Variants in AGBL1 observed in about 807,000 individuals in gnomAD.
AGBL1 encodes the protein cytosolic carboxypeptidase 4.
A neutral mutation model predicts 118.9 loss-of-function variants in AGBL1; 130 were observed. That is an observed-to-expected ratio of 1.09 (90% CI 0.95 to 1.26). AGBL1 has a LOEUF of 1.26. Ranked by LOEUF, AGBL1 falls within the 50% of genes most tolerant of loss-of-function variation. The pLI is 0.00. For synonymous variants in AGBL1, 555 were observed against 478.9 expected (o/e 1.16, Z -2.08); for missense variants, 1,584 against 1,298.1 (o/e 1.22, Z -3.38).
intron 17 of AGBL1, among the ~76,000 whole-genome samples, chr15:86,368,495 A>G (rs1440001623): frequency 1.3e-5 from 2 of 152,238 alleles, no homozygotes; most frequent in Non-Finnish European, 2.9e-5. Context: ...AAATGAAGAA[A>G]TAATGTCAAT....
At chr15:86,269,615 A>G (rs1435728552) in intron 13 of AGBL1, among the ~76,000 whole-genome samples, 2 of 152,230 alleles carry the variant, frequency 1.3e-5, no homozygotes, top group African/African-American at 2.4e-5. Flanking sequence ...ATTGTATCAA[A>G]ATATCACATG....
intron 17 of AGBL1, among the ~76,000 whole-genome samples, chr15:86,315,642 C>A (rs927457489): frequency 6.7e-6 from 1 of 149,816 alleles, no homozygotes; most frequent in East Asian, 2.0e-4. Flanking sequence ...TACTTGAACC[C>A]GAGAGGCAGA....
chr15:86,429,899 A>G lies in AGBL1; in HGVS notation c.2555+32353A>G, dbSNP rs149870890. On this transcript the variant is annotated intron_variant, in intron 18 of 22. Coordinates refer to ENST00000614907, the MANE Select transcript of AGBL1 (RefSeq NM_001386094.1). The stretch of plus-strand genomic sequence containing the variant: ...TTTGATATTCTTTACCCTTGTCCAC[A>G]CTGGCCTGGAGTTCAGTCAGCTCTT... 9.4e-3 allele frequency among the ~76,000 whole-genome samples: 1,426 copies of G among 152,312 alleles called. 29 individuals are homozygous for G. Among genetic ancestry groups the G allele is most frequent in the African/African-American group, 0.032 (1,338 of 41,556 alleles).
rs1158510219 is a variant in AGBL1 at position 86,889,289 on chromosome 15, C to T, written c.3159-17798C>T. Among the ~76,000 whole-genome samples, 6 of 133,562 alleles carry T rather than the reference C, an allele frequency of 4.5e-5. No individual in the cohort carries two copies. The Admixed American group carries it at 5.6e-4, about 12-fold the overall frequency. The allele number at this position is 133,562 out of a possible 152,430, so 87.6% of individuals were successfully genotyped here. A position where few individuals can be genotyped will look rare whatever the true frequency, so the allele number is the denominator to read the frequency against. On this transcript the variant is annotated intron_variant, in intron 22 of 22. Transcript: ENST00000614907. ...ATAGAAAGTTTGACCAAAAATTAAA[C>T]TGAAATCTAAGTGCTTTCGGCAAAT...
At chr15:86,285,999 T>C (rs1182658689) in intron 16 of AGBL1, among the ~76,000 whole-genome samples, 1 of 152,132 alleles carries the variant, frequency 6.6e-6, no homozygotes, top group Non-Finnish European at 1.5e-5. Context: ...TTTTATTTTT[T>C]TTTAAAGTTT....
intron 22 of AGBL1, among the ~76,000 whole-genome samples, chr15:86,827,116 G>A (rs1326373108): frequency 6.7e-6 from 1 of 150,132 alleles, no homozygotes; most frequent in Non-Finnish European, 1.5e-5. Flanking sequence ...CTATGTATGA[G>A]GAGCAGGAAA....
intron 22 of AGBL1, among the ~76,000 whole-genome samples, chr15:86,841,007 G>T (rs28654752): frequency 0.025 from 3,864 of 152,260 alleles, 83 homozygotes; most frequent in South Asian, 0.064. Context: ...GAGACTACAA[G>T]ATTACTTTTT....
chr15:86,408,009 C>T (rs1322126930), intron 18 of AGBL1, among the ~76,000 whole-genome samples: 1 of 152,190 alleles, frequency 6.6e-6, no homozygotes, highest in Admixed American at 6.5e-5. Flanking sequence ...AGAAGCAGCG[C>T]AGACCAGCAA....
At chr15:86,672,238 T>C (rs1241789118) in intron 21 of AGBL1, among the ~76,000 whole-genome samples, 2 of 152,196 alleles carry the variant, frequency 1.3e-5, no homozygotes. Context: ...TTAATCAAGG[T>C]CTTCTGGACT....
intron 22 of AGBL1, among the ~76,000 whole-genome samples, chr15:86,842,208 CA>C (rs1177591270): frequency 1.4e-5 from 2 of 144,102 alleles, no homozygotes; most frequent in Non-Finnish European, 3.0e-5. Flanking sequence ...AGTCCTCAGC[CA>C]TCGATATTAA....
intron 21 of AGBL1, among the ~76,000 whole-genome samples, chr15:86,633,106 A>T (rs1014190429): frequency 6.6e-6 from 1 of 151,998 alleles, no homozygotes; most frequent in African/African-American, 2.4e-5. Flanking sequence ...ATTCAGAACA[A>T]TAAAGACAAA....
At chr15:86,888,637 A>G (rs1385620931) in intron 22 of AGBL1, among the ~76,000 whole-genome samples, 1 of 152,088 alleles carries the variant, frequency 6.6e-6, no homozygotes, top group Non-Finnish European at 1.5e-5. Context: ...CAGAGATCTC[A>G]TTGGGGATAT....
At chr15:86,083,857 T>C (rs1295155346) in intron 1 of AGBL1, 1 of 152,238 alleles carries the variant, frequency 6.6e-6, no homozygotes, top group Non-Finnish European at 1.5e-5. Context: ...CATCCAACTA[T>C]TGTATCCATA....
chr15:86,175,721 T>TTTTTAAATTTTAAAATTTAAATTTTAAA (rs2077473411), intron 5 of AGBL1, among the ~76,000 whole-genome samples: 1 of 152,218 alleles, frequency 6.6e-6, no homozygotes, highest in African/African-American at 2.4e-5. Context: ...ATTTCAAGAA[T>TTTTTAAATTTTAAAATTTAAATTTTAAA]TTTTAAATTT....
intron 1 of AGBL1, among the ~76,000 whole-genome samples, chr15:86,111,783 A>C (rs1004151985): frequency 1.3e-5 from 2 of 152,350 alleles, no homozygotes; most frequent in Admixed American, 1.3e-4. Flanking sequence ...GGTAGGAACA[A>C]GACCATGTTA....
intron 18 of AGBL1, among the ~76,000 whole-genome samples, chr15:86,442,997 T>G (rs551103687): frequency 6.6e-6 from 1 of 152,308 alleles, no homozygotes; most frequent in Admixed American, 6.5e-5. Flanking sequence ...ATCGTGGGTG[T>G]TACTGCTATT....
intron 4 of AGBL1, among the ~76,000 whole-genome samples, chr15:86,156,436 T>G (rs563423273): frequency 4.6e-5 from 7 of 152,334 alleles, no homozygotes; most frequent in African/African-American, 1.7e-4. Context: ...CCCACCTTAA[T>G]GGCCTCATTT....
At chr15:86,410,835 T>TATAAA (rs2081601158) in intron 18 of AGBL1, among the ~76,000 whole-genome samples, 6 of 102,614 alleles carry the variant, frequency 5.8e-5, no homozygotes, top group Non-Finnish European at 9.3e-5. Flanking sequence ...TATATATATA[T>TATAAA]ATATATAATA....
rs200196380 is a variant in AGBL1, at chr15:86,849,521, T to C, written c.3159-57566T>C. 4.5e-3 allele frequency among the ~76,000 whole-genome samples: 671 copies of C among 147,710 alleles called. 5 individuals are homozygous for C. The highest frequency in any genetic ancestry group is 0.015 in the African/African-American group (614 of 40,770). ...GATGGCTTTCTTTCTTTCTTTCTTT[T>C]TTTTTTTTTTTGGCTGATCTTATGC... On this transcript the variant is annotated intron_variant, in intron 22 of 22. Coordinates refer to ENST00000614907, the MANE Select transcript of AGBL1 (RefSeq NM_001386094.1).
Sources: gnomAD v4.1 joint callset for allele counts (sites outside exome capture counted in the v4.1 genomes callset) on GRCh38, gnomAD v4.1.1 for gene constraint, MANE v1.5 for transcripts, NCBI Gene and HGNC (gene_info 2026-07-23, HGNC 2026-07-21) for gene names.